Variants in SLC27A6 observed in about 807,000 individuals in gnomAD.
SLC27A6 encodes the protein solute carrier family 27 member 6, also known as long-chain fatty acid transport protein 6.
SLC27A6 carries 74 observed loss-of-function variants against 63.9 expected under a neutral mutation model. The observed-to-expected ratio is 1.16, with a 90% confidence interval of 0.96 to 1.40. The LOEUF (loss-of-function observed/expected upper bound fraction) is 1.40, where lower values mean the gene tolerates loss of function less well. Among genes scored for constraint, SLC27A6 ranks in the 40% most tolerant of loss-of-function variants. The pLI is 0.00. For missense variants in SLC27A6, 794 were observed against 732.9 expected, an observed-to-expected ratio of 1.08 and a Z score of -0.96; for synonymous variants, 287 against 260.8, an observed-to-expected ratio of 1.10 and a Z score of -0.97.
At chr5:128,988,856 G>A (rs890727512) in intron 3 of SLC27A6, 98 bp downstream of exon 3, 3 of 836,864 alleles carry the variant, frequency 3.6e-6, no homozygotes, top group Non-Finnish European at 5.6e-6. Flanking sequence ...AATTTAGAGT[G>A]ATTATATGCA....
At chr5:129,003,074 C>T (rs1294753311) in intron 4 of SLC27A6, among the ~76,000 whole-genome samples, 1 of 152,134 alleles carries the variant, frequency 6.6e-6, no homozygotes, top group East Asian at 1.9e-4. Context: ...TTATATGCCT[C>T]TGTATGTCTA....
At chr5:129,002,937 T>C (rs1751390936) in intron 4 of SLC27A6, among the ~76,000 whole-genome samples, 1 of 152,232 alleles carries the variant, frequency 6.6e-6, no homozygotes, top group Admixed American at 6.5e-5. Flanking sequence ...TTGTCCTCTT[T>C]CTTGCTGTTT....
At chr5:129,003,307 AC>A (rs747851100) in intron 4 of SLC27A6, among the ~76,000 whole-genome samples, 4 of 143,034 alleles carry the variant, frequency 2.8e-5, no homozygotes, top group Non-Finnish European at 4.6e-5. Context: ...CTGTTTGCAA[AC>A]TGTAAGATAC....
chr5:129,001,540 CAT>C (rs550196499), intron 4 of SLC27A6, among the ~76,000 whole-genome samples: 80 of 152,300 alleles, frequency 5.3e-4, no homozygotes, highest in African/African-American at 1.6e-3. Flanking sequence ...TAATCCCTAA[CAT>C]ATGTTTATAT....
At chr5:128,981,669 G>A (rs1321296213) in intron 1 of SLC27A6, among the ~76,000 whole-genome samples, 1 of 152,010 alleles carries the variant, frequency 6.6e-6, no homozygotes, top group Non-Finnish European at 1.5e-5. Context: ...AATTCTACAG[G>A]TATCAATGGT....
chr5:128,990,301 A>AT, intron 3 of SLC27A6, 39 bp from the exon 4 acceptor site: 1 of 1,599,408 alleles, frequency 6.3e-7, no homozygotes, highest in African/African-American at 1.4e-5. Flanking sequence ...CTGCCTTTGA[A>AT]TTTTTTTCCC....
intron 7 of SLC27A6, among the ~76,000 whole-genome samples, chr5:129,027,603 A>AT (rs1752286969): frequency 6.6e-6 from 1 of 152,152 alleles, no homozygotes; most frequent in South Asian, 2.1e-4. Flanking sequence ...CAGATGTAAA[A>AT]TATAAATGGT....
At chr5:129,028,696 C>T (rs1752324130) in intron 8 of SLC27A6, among the ~76,000 whole-genome samples, 1 of 149,996 alleles carries the variant, frequency 6.7e-6, no homozygotes, top group African/African-American at 2.4e-5. Context: ...AAACTCTGAT[C>T]AATGTCTCAC....
At chr5:129,029,083 C>A (rs1429733693) in intron 8 of SLC27A6, among the ~76,000 whole-genome samples, 1 of 151,858 alleles carries the variant, frequency 6.6e-6, no homozygotes, top group Non-Finnish European at 1.5e-5. Flanking sequence ...AAGAAAGATT[C>A]CAGGACATTC....
chr5:129,006,446 A>AGTGTGTGT (rs72056782), intron 4 of SLC27A6, among the ~76,000 whole-genome samples: 1,552 of 144,118 alleles, frequency 0.011, 19 homozygotes, highest in African/African-American at 0.027. Context: ...TATATGCATG[A>AGTGTGTGT]GTGTGTGTGT....
chr5:128,991,196 A>G (rs1355808976), intron 4 of SLC27A6, among the ~76,000 whole-genome samples: 1 of 152,092 alleles, frequency 6.6e-6, no homozygotes, highest in Non-Finnish European at 1.5e-5. Context: ...CCTAATTGGT[A>G]TTTTAGTGAG....
intron 1 of SLC27A6, among the ~76,000 whole-genome samples, chr5:128,981,949 G>T (rs2150132494): frequency 6.6e-6 from 1 of 152,046 alleles, no homozygotes; most frequent in East Asian, 1.9e-4. Flanking sequence ...GAGTAGCTGG[G>T]ATTACAGGTG....
chr5:129,023,604 ATTTT>A lies in SLC27A6; in HGVS notation c.1165-8_1165-5del, dbSNP rs550659921. ...CTAAATGCTTGTTTCTATTTGTTTG[ATTTT>A]TTTTTTTGCAGCTTCTTTCCACTTT... On this transcript the variant is annotated splice_polypyrimidine_tract_variant and intron_variant, in intron 5 of 9. Coordinates refer to ENST00000262462, the MANE Select transcript of SLC27A6 (RefSeq NM_001017372.3). The A allele has an allele frequency of 1.3e-5, 17 of 1,318,734 alleles. No homozygotes were observed. The highest frequency in any genetic ancestry group is 1.8e-5 in the Non-Finnish European group (17 of 960,668). The allele number at this position is 1,318,734 out of a possible 1,614,324, so 81.7% of individuals were successfully genotyped here. A position where few individuals can be genotyped will look rare whatever the true frequency, so the allele number is the denominator to read the frequency against.
At chr5:128,982,490 T>C (rs1461484463) in intron 1 of SLC27A6, among the ~76,000 whole-genome samples, 2 of 152,182 alleles carry the variant, frequency 1.3e-5, no homozygotes, top group Non-Finnish European at 2.9e-5. Flanking sequence ...TGGCACTTAT[T>C]TCCCCAATTT....
chr5:129,033,103 C>T lies in SLC27A6; in HGVS notation c.1684-3C>T, dbSNP rs1191816126. ...TCTACTCATCCTGGTAATTGCTTTA[C>T]AGGAAAAAATGGAAGCAACAGGAAC... On this transcript the variant is annotated splice_polypyrimidine_tract_variant and splice_region_variant and intron_variant, in intron 9 of 9. Transcript: ENST00000262462. The T allele has an allele frequency of 8.8e-6, 14 of 1,599,676 alleles. No individual in the cohort carries two copies. Among genetic ancestry groups the T allele is most frequent in the African/African-American group, 4.0e-5 (3 of 74,490 alleles).
intron 5 of SLC27A6, among the ~76,000 whole-genome samples, chr5:129,018,437 A>C (rs1751976621): frequency 6.6e-6 from 1 of 152,124 alleles, no homozygotes; most frequent in Non-Finnish European, 1.5e-5. Flanking sequence ...TGTAAATCAC[A>C]GTAATGCTCT....
intron 6 of SLC27A6, among the ~76,000 whole-genome samples, chr5:129,025,357 A>G (rs977056033): frequency 6.6e-6 from 1 of 152,172 alleles, no homozygotes; most frequent in African/African-American, 2.4e-5. Flanking sequence ...TAAGGGAGAT[A>G]TAAGAGTCTT....
intron 4 of SLC27A6, among the ~76,000 whole-genome samples, chr5:128,996,132 C>G (rs1751152070): frequency 6.6e-6 from 1 of 152,076 alleles, no homozygotes; most frequent in African/African-American, 2.4e-5. Flanking sequence ...AAAGACAGGA[C>G]CTAATTAACA....
chr5:128,966,631 G>A lies in SLC27A6; in HGVS notation c.481+13G>A, dbSNP rs1749914471. The A allele has an allele frequency of 6.6e-7, 1 of 1,504,286 alleles. No homozygotes were observed. The highest frequency in any genetic ancestry group is 8.8e-7 in the Non-Finnish European group (1 of 1,135,144). The allele number at this position is 1,504,286 out of a possible 1,614,324, so 93.2% of individuals were successfully genotyped here. A position where few individuals can be genotyped will look rare whatever the true frequency, so the allele number is the denominator to read the frequency against. ...GTGGTGGGCGCAGGTAGAGTATGGG[G>A]TGTGGTCTGCCTATACAGAATGGCA... On this transcript the variant is annotated intron_variant, in intron 1 of 9. Coordinates refer to ENST00000262462, the MANE Select transcript of SLC27A6 (RefSeq NM_001017372.3).
Sources: allele counts gnomAD v4.1 joint callset (sites outside exome capture counted in the v4.1 genomes callset), GRCh38; gene constraint gnomAD v4.1.1; transcripts MANE v1.5; gene names NCBI Gene and HGNC (gene_info 2026-07-23, HGNC 2026-07-21).